Variants in MSRA observed in about 807,000 individuals in gnomAD.
MSRA encodes methionine sulfoxide reductase A.
In MSRA, 54 loss-of-function variants were observed where a neutral mutation model predicts 31.3. The ratio of observed to expected loss-of-function variants is 1.73; its 90% CI spans 1.39 to 2.17. The LOEUF (loss-of-function observed/expected upper bound fraction) is 2.17. Ranked by LOEUF, MSRA falls within the 30% of genes most tolerant of loss-of-function variation. The probability of loss-of-function intolerance (pLI) is 0.00; values close to 1 mark genes in which losing one functional copy is unlikely to be tolerated. For synonymous variants in MSRA, 169 were observed against 116.5 expected (o/e 1.45, Z -2.90); for missense variants, 507 against 300.9 (o/e 1.69, Z -5.07).
chr8:10,342,580 C>T (rs917106400), intron 5 of MSRA, among the ~76,000 whole-genome samples: 10 of 152,220 alleles, frequency 6.6e-5, no homozygotes, highest in Admixed American at 4.6e-4. Flanking sequence ...TCGTCTGCCT[C>T]ACAGAGAAGC....
intron 2 of MSRA, among the ~76,000 whole-genome samples, chr8:10,234,697 G>A (rs1022721340): frequency 6.6e-5 from 10 of 151,926 alleles, no homozygotes; most frequent in Non-Finnish European, 1.0e-4. Context: ...TACAAGAAAT[G>A]CACCTAAAAT....
At chr8:10,124,505 C>T (rs950138203) in intron 1 of MSRA, among the ~76,000 whole-genome samples, 1 of 152,192 alleles carries the variant, frequency 6.6e-6, no homozygotes, top group Non-Finnish European at 1.5e-5. Context: ...ATGGAAAATT[C>T]TAAAAGTGAC....
chr8:10,192,941 G>A (rs972728176), intron 1 of MSRA, among the ~76,000 whole-genome samples: 2 of 152,072 alleles, frequency 1.3e-5, no homozygotes, highest in African/African-American at 2.4e-5. Flanking sequence ...TTTTAAATTG[G>A]GGGTTTGCCC....
chr8:10,157,334 C>G (rs140180930), intron 1 of MSRA, among the ~76,000 whole-genome samples: 37 of 152,290 alleles, frequency 2.4e-4, no homozygotes, highest in African/African-American at 8.7e-4. Context: ...GCTTCCAGTT[C>G]TCTCACTGTC....
At chr8:10,145,314 C>G (rs900249524) in intron 1 of MSRA, among the ~76,000 whole-genome samples, 5 of 152,060 alleles carry the variant, frequency 3.3e-5, no homozygotes, top group Non-Finnish European at 7.4e-5. Context: ...AAAAGAAAGG[C>G]CAACTGATAA....
chr8:10,289,090 A>C (rs1199852072), intron 3 of MSRA, among the ~76,000 whole-genome samples: 2 of 151,336 alleles, frequency 1.3e-5, no homozygotes, highest in Non-Finnish European at 2.9e-5. Flanking sequence ...ATCTCGGCTC[A>C]CTGCAACCTC....
At chr8:10,421,019 A>G (rs1487048546) in intron 5 of MSRA, among the ~76,000 whole-genome samples, 4 of 151,914 alleles carry the variant, frequency 2.6e-5, no homozygotes, top group African/African-American at 9.7e-5. Flanking sequence ...ACCACCAAAA[A>G]CCAAAGAGAT....
At chr8:10,366,665 G>C (rs773031974) in intron 5 of MSRA, among the ~76,000 whole-genome samples, 1 of 152,202 alleles carries the variant, frequency 6.6e-6, no homozygotes, top group Non-Finnish European at 1.5e-5. Context: ...ACCTGTAACA[G>C]TACCTGCTAC....
At position 10,113,292 on chromosome 8, in the gene MSRA, CT is replaced by C. The variant is rs10665004; in HGVS notation, c.142+58656del. Among the ~76,000 whole-genome samples the C allele has an allele frequency of 1.0e-3, 60 of 57,602 alleles. 2 individuals carry two copies. The highest frequency in any genetic ancestry group is 2.9e-3 in the East Asian group (5 of 1,708). The allele number at this position is 57,602 out of a possible 152,430, so 37.8% of individuals were successfully genotyped here. A position where few individuals can be genotyped will look rare whatever the true frequency, so the allele number is the denominator to read the frequency against. On this transcript the variant is annotated intron_variant, in intron 1 of 5. Transcript: ENST00000317173. ...CATGGCTTTGGTGAAGACAGGTCTT[CT>C]TTTTTTTTTTTTTTTTTTTTTGGAG...
intron 1 of MSRA, among the ~76,000 whole-genome samples, chr8:10,150,054 C>A (rs987265973): frequency 6.6e-6 from 1 of 151,162 alleles, no homozygotes; most frequent in African/African-American, 2.4e-5. Flanking sequence ...GAAAAAGTGT[C>A]CTAATGACCC....
At chr8:10,301,463 T>C in intron 3 of MSRA, 71 bp from the exon 4 acceptor site, 3 of 1,215,066 alleles carry the variant, frequency 2.5e-6, no homozygotes, top group Non-Finnish European at 3.6e-6. Flanking sequence ...GTTGTTTTTT[T>C]TGTGAACAAA....
At chr8:10,255,085 T>C (rs4841300) in intron 3 of MSRA, among the ~76,000 whole-genome samples, 37,760 of 152,148 alleles carry the variant, frequency 0.25, 5,866 homozygotes, top group Non-Finnish European at 0.36. Flanking sequence ...CCCCCAGCAC[T>C]GTCCTCAGTA....
At chr8:10,182,353 A>G (rs1806619978) in intron 1 of MSRA, among the ~76,000 whole-genome samples, 1 of 152,138 alleles carries the variant, frequency 6.6e-6, no homozygotes, top group Admixed American at 6.5e-5. Flanking sequence ...TAAACCTAGC[A>G]CCTTAAAACA....
At chr8:10,295,242 G>A (rs868686645) in intron 3 of MSRA, among the ~76,000 whole-genome samples, 13 of 152,250 alleles carry the variant, frequency 8.5e-5, no homozygotes, top group South Asian at 2.1e-4. Flanking sequence ...TGGGCACCAT[G>A]GCCTCAGCTC....
intron 5 of MSRA, among the ~76,000 whole-genome samples, chr8:10,373,159 G>C (rs961742829): frequency 9.2e-5 from 14 of 152,330 alleles, no homozygotes; most frequent in Middle Eastern, 3.4e-3. Context: ...CCAAAGTGTA[G>C]GGATTACAAG....
intron 1 of MSRA, among the ~76,000 whole-genome samples, chr8:10,118,069 G>C (rs1800814329): frequency 6.6e-6 from 1 of 152,206 alleles, no homozygotes; most frequent in African/African-American, 2.4e-5. Flanking sequence ...GTAAGGTTTT[G>C]GCGATTTTCT....
chr8:10,244,076 G>T (rs1392083686), intron 2 of MSRA, among the ~76,000 whole-genome samples: 1 of 152,116 alleles, frequency 6.6e-6, no homozygotes, highest in Non-Finnish European at 1.5e-5. Context: ...TTTCAGCTCT[G>T]TCGTCAAATC....
intron 1 of MSRA, among the ~76,000 whole-genome samples, chr8:10,123,527 T>C (rs528571389): frequency 3.8e-4 from 58 of 152,324 alleles, no homozygotes; most frequent in African/African-American, 1.3e-3. Context: ...TTTAATTAGA[T>C]CCCATTTGTC....
intron 1 of MSRA, among the ~76,000 whole-genome samples, chr8:10,147,688 A>C (rs1291772490): frequency 6.6e-6 from 1 of 152,138 alleles, no homozygotes; most frequent in Non-Finnish European, 1.5e-5. Flanking sequence ...CTGCATGGAA[A>C]GGCTGTAACG....
Sources: allele counts gnomAD v4.1 joint callset (sites outside exome capture counted in the v4.1 genomes callset), GRCh38; gene constraint gnomAD v4.1.1; transcripts MANE v1.5; gene names NCBI Gene and HGNC (gene_info 2026-07-23, HGNC 2026-07-21).